Variants in AGBL4 observed in about 807,000 individuals in gnomAD.
AGBL4 encodes the protein cytosolic carboxypeptidase 6.
AGBL4 carries 58 observed loss-of-function variants against 66.4 expected under a neutral mutation model. The ratio of observed to expected loss-of-function variants is 0.87; its 90% CI spans 0.71 to 1.09. The LOEUF (loss-of-function observed/expected upper bound fraction) is 1.09. AGBL4 is among the 50% of genes least tolerant of loss of function. The pLI, the probability that AGBL4 is intolerant of heterozygous loss-of-function variation, is 0.00. For synonymous variants in AGBL4, 234 were observed against 222.9 expected, an observed-to-expected ratio of 1.05 and a Z score of -0.44; for missense variants, 579 against 631.0, an observed-to-expected ratio of 0.92 and a Z score of 0.88.
At chr1:48,719,181 G>T (rs531196678) in intron 6 of AGBL4, among the ~76,000 whole-genome samples, 1 of 152,104 alleles carries the variant, frequency 6.6e-6, no homozygotes, top group Non-Finnish European at 1.5e-5. Flanking sequence ...CCCCAAACAC[G>T]TTTGATCTCC....
intron 3 of AGBL4, among the ~76,000 whole-genome samples, chr1:49,298,666 GCTGT>G (rs1644688093): frequency 1.4e-5 from 2 of 143,652 alleles, no homozygotes; most frequent in Admixed American, 6.9e-5. Flanking sequence ...TTGAAAATAA[GCTGT>G]CTGGGAAAAA....
chr1:49,995,077 A>G (rs953109036), intron 1 of AGBL4: 1 of 454,876 alleles, frequency 2.2e-6, no homozygotes, highest in African/African-American at 2.0e-5. Context: ...GACTACAGGG[A>G]GAAGGAAACT....
At chr1:49,165,095 T>C (rs1646610134) in intron 4 of AGBL4, among the ~76,000 whole-genome samples, 2 of 152,040 alleles carry the variant, frequency 1.3e-5, no homozygotes, top group Non-Finnish European at 2.9e-5. Context: ...GTCCATCTGG[T>C]TGGTACTGAC....
chr1:48,790,269 G>C (rs1159992666), intron 6 of AGBL4, among the ~76,000 whole-genome samples: 1 of 152,166 alleles, frequency 6.6e-6, no homozygotes, highest in Admixed American at 6.5e-5. Context: ...GGAAGGGTCG[G>C]TCATGCCAGA....
At chr1:48,974,892 C>A (rs1044785139) in intron 5 of AGBL4, among the ~76,000 whole-genome samples, 3 of 152,076 alleles carry the variant, frequency 2.0e-5, no homozygotes, top group Non-Finnish European at 4.4e-5. Flanking sequence ...CCATAGCATA[C>A]CTTCCCTATA....
chr1:48,653,317 C>T lies in AGBL4; in HGVS notation c.839+20G>A, dbSNP rs1232964300. On this transcript the variant is annotated intron_variant, in intron 8 of 13. Transcript: ENST00000371839. ...CATCCTATAAGTACTTGCTTCCAAG[C>T]ATTCTCCCCAATTCCTTACCTGTAA... is the stretch of plus-strand genomic sequence containing the variant. 6.5e-7 allele frequency: 1 copy of T among 1,530,410 alleles called. No homozygotes were observed. The highest frequency in any genetic ancestry group is 8.9e-7 in the Non-Finnish European group (1 of 1,127,726). 94.8% of individuals were successfully genotyped at this position (1,530,410 alleles called of 1,614,324 possible).
intron 2 of AGBL4, among the ~76,000 whole-genome samples, chr1:49,700,771 T>A (rs1324020409): frequency 6.6e-6 from 1 of 152,064 alleles, no homozygotes; most frequent in Admixed American, 6.6e-5. Context: ...TTTATAACCA[T>A]ACATGCACAT....
chr1:49,161,125 T>C (rs1399972464), intron 4 of AGBL4, among the ~76,000 whole-genome samples: 2 of 152,112 alleles, frequency 1.3e-5, no homozygotes, highest in Non-Finnish European at 2.9e-5. Flanking sequence ...GTAGCTAGTT[T>C]GATGTTTGCC....
At chr1:49,818,724 A>C (rs556924303) in intron 2 of AGBL4, among the ~76,000 whole-genome samples, 9 of 152,288 alleles carry the variant, frequency 5.9e-5, no homozygotes, top group African/African-American at 2.2e-4. Flanking sequence ...TATACATATA[A>C]ATCATCCAAT....
At chr1:48,727,265 A>C (rs1647340136) in intron 6 of AGBL4, among the ~76,000 whole-genome samples, 1 of 152,220 alleles carries the variant, frequency 6.6e-6, no homozygotes, top group Non-Finnish European at 1.5e-5. Context: ...TCAAATTATT[A>C]GGGAAGCTGA....
At chr1:49,351,808 A>G (rs1643914440) in intron 3 of AGBL4, among the ~76,000 whole-genome samples, 1 of 152,062 alleles carries the variant, frequency 6.6e-6, no homozygotes, top group Non-Finnish European at 1.5e-5. Context: ...TGGCCAAGTT[A>G]TTTCTTCTGC....
At chr1:49,403,556 G>T (rs1326891730) in intron 3 of AGBL4, among the ~76,000 whole-genome samples, 1 of 152,034 alleles carries the variant, frequency 6.6e-6, no homozygotes, top group East Asian at 1.9e-4. Flanking sequence ...TGTCTGAAAG[G>T]TCACATATCT....
chr1:48,974,482 T>A (rs1445316618), intron 5 of AGBL4, among the ~76,000 whole-genome samples: 1 of 152,126 alleles, frequency 6.6e-6, no homozygotes, highest in South Asian at 2.1e-4. Flanking sequence ...GTTATAGACC[T>A]GAGGAGGAGA....
At chr1:49,833,543 G>A (rs1429956692) in intron 2 of AGBL4, among the ~76,000 whole-genome samples, 1 of 151,666 alleles carries the variant, frequency 6.6e-6, no homozygotes, top group Non-Finnish European at 1.5e-5. Context: ...GTCATTGGTA[G>A]CTTGATGGGG....
chr1:49,746,758 A>G (rs1189290600), intron 2 of AGBL4, among the ~76,000 whole-genome samples: 4 of 152,100 alleles, frequency 2.6e-5, no homozygotes, highest in African/African-American at 9.7e-5. Context: ...CCTTTGGACT[A>G]GAAACATACT....
intron 4 of AGBL4, among the ~76,000 whole-genome samples, chr1:49,071,581 T>G (rs866692990): frequency 1.3e-5 from 2 of 152,152 alleles, no homozygotes; most frequent in African/African-American, 4.8e-5. Context: ...TCCTGAGTTC[T>G]AATTTGATTG....
rs1421760116 is a variant in AGBL4 at position 48,533,774 on chromosome 1, C to G, written c.*399G>C. 4.6e-6 allele frequency: 1 copy of G among 218,066 alleles called. No homozygotes were observed. Among genetic ancestry groups the G allele is most frequent in the Non-Finnish European group, 9.2e-6 (1 of 109,168 alleles). The allele number at this position is 218,066 out of a possible 1,614,324, so 13.5% of individuals were successfully genotyped here. Reference sequence around the variant, plus strand: ...ACTGCATTTCTAAAGCTGTAAACAACCAAGCCTATTTAAAAGGTAACCATC... The same window carrying G: ...ACTGCATTTCTAAAGCTGTAAACAAGCAAGCCTATTTAAAAGGTAACCATC... On this transcript the variant is annotated 3_prime_UTR_variant, in exon 14 of 14. Transcript: ENST00000371839.
chr1:49,827,720 G>T (rs1645547379), intron 2 of AGBL4, among the ~76,000 whole-genome samples: 1 of 152,118 alleles, frequency 6.6e-6, no homozygotes, highest in South Asian at 2.1e-4. Context: ...GTTCAATAGG[G>T]TGTAAATAAA....
chr1:49,935,653 A>G (rs900286030), intron 1 of AGBL4, among the ~76,000 whole-genome samples: 1 of 152,148 alleles, frequency 6.6e-6, no homozygotes, highest in Non-Finnish European at 1.5e-5. Flanking sequence ...CACAGGAACT[A>G]TCAGACAGCA....
Sources: gnomAD v4.1 joint callset for allele counts (sites outside exome capture counted in the v4.1 genomes callset) on GRCh38, gnomAD v4.1.1 for gene constraint, MANE v1.5 for transcripts, NCBI Gene and HGNC (gene_info 2026-07-23, HGNC 2026-07-21) for gene names.